RSPO4: variants seen among roughly 807,000 people sequenced by gnomAD.
RSPO4 encodes R-spondin-4.
In RSPO4, 23 loss-of-function variants were observed where a neutral mutation model predicts 24.8. The ratio of observed to expected loss-of-function variants is 0.93; its 90% confidence interval spans 0.67 to 1.31. The LOEUF is 1.31. RSPO4 is among the 40% of genes most tolerant of loss of function. The pLI is 0.00. For missense variants in RSPO4, 333 were observed against 316.5 expected, an observed-to-expected ratio of 1.05 and a Z score of -0.39; for synonymous variants, 141 against 127.4, an observed-to-expected ratio of 1.11 and a Z score of -0.72.
chr20:984,849 A>G (rs1984849025), intron 1 of RSPO4, among the ~76,000 whole-genome samples: 1 of 151,950 alleles, frequency 6.6e-6, no homozygotes, highest in South Asian at 2.1e-4. Context: ...TCACCCATCC[A>G]TCCATCCATC....
chr20:978,199 T>C (rs1984627452), intron 1 of RSPO4, among the ~76,000 whole-genome samples: 1 of 152,160 alleles, frequency 6.6e-6, no homozygotes, highest in Admixed American at 6.5e-5. Flanking sequence ...CTTTGGGGCC[T>C]GACAAACCAC....
intron 1 of RSPO4, among the ~76,000 whole-genome samples, chr20:983,521 G>A (rs1341826359): frequency 6.6e-6 from 1 of 152,146 alleles, no homozygotes; most frequent in East Asian, 1.9e-4. Context: ...TGAGAGCTTG[G>A]ATACCCCCTA....
Position 981,263 on chromosome 20 carries a change from G to T in RSPO4, c.80-13125C>A, listed in dbSNP as rs1422292211. On this transcript the variant is annotated intron_variant, in intron 1 of 4. Coordinates refer to ENST00000217260, the MANE Select transcript of RSPO4 (RefSeq NM_001029871.4). This position sits in a 1 kb window ranked among gnomAD's most constrained non-coding sequence, Gnocchi z 4.6. Reference sequence around the variant, plus strand: ...AACCTGGCCAGGCACAGTGGCTCACGCCTGTAATCCCAGCACTTAGGGAGG... The same window carrying T: ...AACCTGGCCAGGCACAGTGGCTCACTCCTGTAATCCCAGCACTTAGGGAGG... 6.6e-6 allele frequency among the ~76,000 whole-genome samples: 1 copy of T among 152,192 alleles called. No individual in the cohort carries two copies. The highest frequency in any genetic ancestry group is 1.5e-5 in the Non-Finnish European group (1 of 68,042).
chr20:989,714 C>T (rs1268530072), intron 1 of RSPO4, among the ~76,000 whole-genome samples: 2 of 152,208 alleles, frequency 1.3e-5, no homozygotes, highest in Admixed American at 6.5e-5. Flanking sequence ...TCTGCACTCA[C>T]TGTTAGTGGG....
intron 4 of RSPO4, among the ~76,000 whole-genome samples, chr20:963,484 G>A (rs888137308): frequency 1.3e-5 from 2 of 152,078 alleles, no homozygotes; most frequent in Non-Finnish European, 2.9e-5. Flanking sequence ...TCCTCACTGG[G>A]ATTGTACTTC....
chr20:966,886 CAAAT>C (rs1431719976), intron 3 of RSPO4, among the ~76,000 whole-genome samples: 2 of 152,154 alleles, frequency 1.3e-5, no homozygotes, highest in Admixed American at 6.5e-5. Flanking sequence ...AACAAACAAA[CAAAT>C]AAACATCAGC....
rs1983869600 is a variant in RSPO4 at position 958,632 on chromosome 20, G to C, written c.*1725C>G. Reference sequence around the variant, plus strand: ...GGTGAGAGCAGGGAAGTCAGAGAGAGGGTGGGCCTGCTGGGAGGGGGGGGT... The same window carrying C: ...GGTGAGAGCAGGGAAGTCAGAGAGACGGTGGGCCTGCTGGGAGGGGGGGGT... On this transcript the variant is annotated 3_prime_UTR_variant, in exon 5 of 5. Transcript: ENST00000217260. 6.7e-6 allele frequency: 1 copy of C among 149,820 alleles called. No homozygotes were observed. The highest frequency in any genetic ancestry group is 2.5e-5 in the African/African-American group (1 of 40,218). 9.3% of individuals were successfully genotyped at this position (149,820 alleles called of 1,614,324 possible).
intron 1 of RSPO4, among the ~76,000 whole-genome samples, chr20:990,196 G>A (rs750022571): frequency 9.2e-5 from 14 of 152,156 alleles, no homozygotes; most frequent in Non-Finnish European, 7.3e-5. Context: ...TCCAAAGGCC[G>A]ACAAATGCTA....
At chr20:990,681 G>A (rs1600100232) in intron 1 of RSPO4, among the ~76,000 whole-genome samples, 1 of 152,292 alleles carries the variant, frequency 6.6e-6, no homozygotes, top group East Asian at 1.9e-4. Context: ...GGGGCGAGCG[G>A]GAAGTGTAAG....
Position 999,335 on chromosome 20 carries a change from C to G in RSPO4, c.79+2751G>C, listed in dbSNP as rs118049468. Among the ~76,000 whole-genome samples, 1,273 of 152,278 alleles carry G rather than the reference C, an allele frequency of 8.4e-3. 4 individuals carry two copies. Among genetic ancestry groups the G allele is most frequent in the Non-Finnish European group, 0.014 (977 of 68,020 alleles). On this transcript the variant is annotated intron_variant, in intron 1 of 4. Coordinates refer to ENST00000217260, the MANE Select transcript of RSPO4 (RefSeq NM_001029871.4). The stretch of plus-strand genomic sequence containing the variant: ...TGGGTTACACTGTCTGTCTCCACCT[C>G]TTCAGCATGCTCTGATAAGTCTCAC...
At chr20:977,081 C>T (rs1984589425) in intron 1 of RSPO4, among the ~76,000 whole-genome samples, 1 of 152,114 alleles carries the variant, frequency 6.6e-6, no homozygotes, top group Non-Finnish European at 1.5e-5. Flanking sequence ...ATCTTAACAC[C>T]CACTTCACTC....
intron 1 of RSPO4, among the ~76,000 whole-genome samples, chr20:968,377 G>C (rs1600090517): frequency 6.6e-6 from 1 of 152,248 alleles, no homozygotes; most frequent in Non-Finnish European, 1.5e-5. Flanking sequence ...TAAAGGGCAG[G>C]GGTGTGCCCC....
At chr20:991,342 C>G (rs978206459) in intron 1 of RSPO4, among the ~76,000 whole-genome samples, 8 of 152,036 alleles carry the variant, frequency 5.3e-5, no homozygotes, top group African/African-American at 1.9e-4. Context: ...ACTCAAAAAC[C>G]AATGGATTTG....
chr20:982,336 G>A (rs1416733666), intron 1 of RSPO4, among the ~76,000 whole-genome samples: 10 of 152,208 alleles, frequency 6.6e-5, no homozygotes, highest in Non-Finnish European at 2.9e-5. Flanking sequence ...ATGTTGTCAA[G>A]TATGTGACCT....
chr20:983,094 C>G (rs767991066), intron 1 of RSPO4, among the ~76,000 whole-genome samples: 1 of 152,208 alleles, frequency 6.6e-6, no homozygotes, highest in Non-Finnish European at 1.5e-5. Context: ...AAGATGAGCC[C>G]GAGTGAGAAA....
intron 1 of RSPO4, among the ~76,000 whole-genome samples, chr20:987,632 A>G (rs925654986): frequency 6.6e-6 from 1 of 152,138 alleles, no homozygotes; most frequent in East Asian, 1.9e-4. Context: ...ATGAAAATAA[A>G]AAAAAAAAAT....
At chr20:977,237 G>A (rs6039368) in intron 1 of RSPO4, among the ~76,000 whole-genome samples, 45,281 of 152,140 alleles carry the variant, frequency 0.3, 11,952 homozygotes, top group African/African-American at 0.7. Context: ...CTGAGAATCC[G>A]CATTGCTAAC....
intron 1 of RSPO4, among the ~76,000 whole-genome samples, chr20:993,123 T>A (rs1600101224): frequency 6.6e-6 from 1 of 151,958 alleles, no homozygotes; most frequent in Non-Finnish European, 1.5e-5. Context: ...AAGGGAGTGG[T>A]TTCCCCATGT....
rs770539145 is a variant in RSPO4 at position 967,295 on chromosome 20, C to G, written c.288G>C (p.Glu96Asp). 6 of 1,614,202 alleles carry G rather than the reference C, an allele frequency of 3.7e-6. No homozygotes were observed. Among genetic ancestry groups the G allele is most frequent in the Non-Finnish European group, 3.4e-6 (4 of 1,180,044 alleles). Residue 96 changes from glutamate (E) to aspartate (D), a missense_variant, in exon 3 of 5, where the codon GAG becomes GAC. Physicochemically the swap from Glu to Asp is conservative, Grantham distance 45. Coordinates refer to ENST00000217260, the MANE Select transcript of RSPO4 (RefSeq NM_001029871.4). ...NRCKKCGATC[E>D]SCFSQDFCIR... The stretch of plus-strand genomic sequence containing the variant: ...TGCAGAAGTCCTGGCTGAAGCAGCT[C>G]TCACAAGTGGCCCCACATTCTGTAA...
Sources: gnomAD v4.1 joint callset for allele counts (sites outside exome capture counted in the v4.1 genomes callset) on GRCh38, gnomAD v4.1.1 for gene constraint, Gnocchi (gnomAD v3.1) non-coding constraint, MANE v1.5 for transcripts, NCBI Gene and HGNC (gene_info 2026-07-23, HGNC 2026-07-21) for gene names.